The following GALNTL6 variants were observed in gnomAD, a reference collection of about 807,000 sequenced individuals.
GALNTL6 encodes polypeptide N-acetylgalactosaminyltransferase like 6, also known as polypeptide N-acetylgalactosaminyltransferase-like 6.
A neutral mutation model predicts 73.7 loss-of-function variants in GALNTL6; 46 were observed. That is an observed-to-expected ratio of 0.62 (90% CI 0.49 to 0.80). The LOEUF is 0.80. Among genes scored for constraint, GALNTL6 ranks in the 30% least tolerant of loss-of-function variants. GALNTL6 has a pLI of 0.00. For missense variants in GALNTL6, 604 were observed against 755.0 expected (o/e 0.80, Z 2.34); for synonymous variants, 259 against 263.7 (o/e 0.98, Z 0.17).
intron 5 of GALNTL6, among the ~76,000 whole-genome samples, chr4:172,782,253 T>C (rs1739407668): frequency 6.6e-6 from 1 of 152,160 alleles, no homozygotes; most frequent in African/African-American, 2.4e-5. Flanking sequence ...CACTGATAGA[T>C]TTATAGGCGT....
intron 5 of GALNTL6, among the ~76,000 whole-genome samples, chr4:172,428,191 AT>A (rs1311079225): frequency 6.6e-6 from 1 of 152,158 alleles, no homozygotes; most frequent in Admixed American, 6.6e-5. Context: ...TAAAAATGTC[AT>A]TTATGTTTTC....
At chr4:171,989,894 A>G (rs1740282509) in intron 2 of GALNTL6, among the ~76,000 whole-genome samples, 1 of 152,194 alleles carries the variant, frequency 6.6e-6, no homozygotes, top group Non-Finnish European at 1.5e-5. Flanking sequence ...CCTAAACGCT[A>G]TCTGATTTGG....
chr4:172,613,529 TA>T, intron 5 of GALNTL6, among the ~76,000 whole-genome samples: 1 of 152,034 alleles, frequency 6.6e-6, no homozygotes, highest in Non-Finnish European at 1.5e-5. Context: ...CCTCAGAAGA[TA>T]ATTTTGAAGG....
At chr4:172,788,171 C>A (rs1333868727) in intron 5 of GALNTL6, among the ~76,000 whole-genome samples, 2 of 143,826 alleles carry the variant, frequency 1.4e-5, no homozygotes, top group South Asian at 2.4e-4. Flanking sequence ...CACAGTGAGA[C>A]CCTGTCTCTA....
intron 5 of GALNTL6, among the ~76,000 whole-genome samples, chr4:172,633,218 A>G (rs898644289): frequency 6.6e-6 from 1 of 152,198 alleles, no homozygotes; most frequent in African/African-American, 2.4e-5. Flanking sequence ...ATCCACCGAT[A>G]GCTTGGACAG....
At chr4:172,598,181 C>T (rs1737933189) in intron 5 of GALNTL6, among the ~76,000 whole-genome samples, 2 of 152,160 alleles carry the variant, frequency 1.3e-5, no homozygotes, top group South Asian at 4.1e-4. Context: ...TATACATAGG[C>T]CATCTGCCTT....
intron 2 of GALNTL6, among the ~76,000 whole-genome samples, chr4:172,020,249 A>G (rs528539923): frequency 2.0e-5 from 3 of 152,040 alleles, no homozygotes; most frequent in Non-Finnish European, 4.4e-5. Flanking sequence ...AATGCATCTT[A>G]AAGAACTAGA....
chr4:172,617,601 C>T (rs919884800), intron 5 of GALNTL6, among the ~76,000 whole-genome samples: 1 of 151,960 alleles, frequency 6.6e-6, no homozygotes, highest in East Asian at 1.9e-4. Flanking sequence ...CTCAGCCTCC[C>T]GAGTAGCTAG....
intron 5 of GALNTL6, among the ~76,000 whole-genome samples, chr4:172,691,228 T>A (rs1255210963): frequency 6.6e-6 from 1 of 152,036 alleles, no homozygotes; most frequent in Non-Finnish European, 1.5e-5. Context: ...AAGGAAATAC[T>A]CATCAAACAG....
chr4:172,670,498 T>C (rs898812732), intron 5 of GALNTL6, among the ~76,000 whole-genome samples: 7 of 152,156 alleles, frequency 4.6e-5, no homozygotes, highest in Non-Finnish European at 1.0e-4. Context: ...ATGGTGTTGT[T>C]TGTTTTTTTC....
At chr4:172,807,023 C>T (rs1406404450) in intron 5 of GALNTL6, among the ~76,000 whole-genome samples, 1 of 152,216 alleles carries the variant, frequency 6.6e-6, no homozygotes, top group Non-Finnish European at 1.5e-5. Context: ...GGTCACTCAT[C>T]GCTTAGTCAT....
At chr4:171,906,709 C>A (rs1415245077) in intron 2 of GALNTL6, among the ~76,000 whole-genome samples, 2 of 152,122 alleles carry the variant, frequency 1.3e-5, no homozygotes, top group Non-Finnish European at 2.9e-5. Flanking sequence ...AATTTTAGAC[C>A]AATATCCTTG....
chr4:172,745,195 T>C (rs1383221583), intron 5 of GALNTL6, among the ~76,000 whole-genome samples: 1 of 142,066 alleles, frequency 7.0e-6, no homozygotes, highest in Non-Finnish European at 1.5e-5. Context: ...TAGTAGACTG[T>C]AAAGTTTCTC....
intron 5 of GALNTL6, chr4:172,669,176 A>G (rs1731835626): frequency 6.6e-6 from 1 of 152,176 alleles, no homozygotes; most frequent in Non-Finnish European, 1.5e-5. Context: ...GTTGTGTTTT[A>G]TGAGATCAAG....
chr4:172,276,788 A>ATAT (rs1279266636), intron 3 of GALNTL6, among the ~76,000 whole-genome samples: 2 of 152,146 alleles, frequency 1.3e-5, no homozygotes, highest in Non-Finnish European at 1.5e-5. Flanking sequence ...AGGTAGTAAG[A>ATAT]TATTATCATG....
intron 2 of GALNTL6, among the ~76,000 whole-genome samples, chr4:172,148,314 C>T (rs1733981137): frequency 6.6e-6 from 1 of 152,120 alleles, no homozygotes; most frequent in Admixed American, 6.6e-5. Flanking sequence ...TGGTATTACA[C>T]ACTAGAGATC....
intron 2 of GALNTL6, among the ~76,000 whole-genome samples, chr4:172,018,508 G>T (rs1273264831): frequency 6.6e-6 from 1 of 152,094 alleles, no homozygotes; most frequent in East Asian, 2.0e-4. Context: ...GGTAGTGAAA[G>T]GCCTCACCCA....
intron 2 of GALNTL6, among the ~76,000 whole-genome samples, chr4:172,219,244 T>A (rs542750060): frequency 7.3e-6 from 1 of 136,626 alleles, no homozygotes; most frequent in South Asian, 2.2e-4. Context: ...TCTTAAAAAA[T>A]ATAGGCAAAA....
chr4:172,202,803 T>C (rs2110905614), intron 2 of GALNTL6, among the ~76,000 whole-genome samples: 1 of 152,280 alleles, frequency 6.6e-6, no homozygotes, highest in Middle Eastern at 3.4e-3. Flanking sequence ...CAATATATAA[T>C]AGAGTTATAT....
Sources: gnomAD v4.1 joint callset for allele counts (sites outside exome capture counted in the v4.1 genomes callset) on GRCh38, gnomAD v4.1.1 for gene constraint, MANE v1.5 for transcripts, NCBI Gene and HGNC (gene_info 2026-07-23, HGNC 2026-07-21) for gene names.